ANKRD44: variants seen among roughly 807,000 people sequenced by gnomAD.
ANKRD44 encodes the protein serine/threonine-protein phosphatase 6 regulatory ankyrin repeat subunit B.
Under a neutral mutation model 116.0 loss-of-function variants are expected in ANKRD44, and 35 were observed. That is an observed-to-expected ratio of 0.30 (90% CI 0.23 to 0.40). ANKRD44 has a LOEUF of 0.40. ANKRD44 is among the 10% of genes least tolerant of loss of function. ANKRD44 has a pLI of 1.00. For synonymous variants in ANKRD44, 435 were observed against 461.8 expected (o/e 0.94, Z 0.74); for missense variants, 1,014 against 1,242.6 (o/e 0.82, Z 2.77).
chr2:197,292,066 G>A (rs2083585938), intron 1 of ANKRD44, among the ~76,000 whole-genome samples: 1 of 152,162 alleles, frequency 6.6e-6, no homozygotes, highest in Admixed American at 6.5e-5. Flanking sequence ...TCTTAATCCA[G>A]TCTATCAGTG....
intron 15 of ANKRD44, 104 bp from the exon 16 acceptor site, chr2:197,078,918 G>T (rs2077732240): frequency 2.4e-6 from 3 of 1,225,974 alleles, no homozygotes; most frequent in Non-Finnish European, 3.3e-6. Context: ...AGTACTTTAT[G>T]AGTTTGTTTC....
intron 21 of ANKRD44, among the ~76,000 whole-genome samples, chr2:196,979,948 A>G (rs1324755437): frequency 1.3e-5 from 2 of 152,144 alleles, no homozygotes; most frequent in Non-Finnish European, 2.9e-5. Context: ...CCTGCTCCAC[A>G]CCATCCAGGA....
At chr2:196,994,686 G>A (rs1005017062) in intron 26 of ANKRD44, 2 of 150,338 alleles carry the variant, frequency 1.3e-5, no homozygotes, top group African/African-American at 4.9e-5. Context: ...AGCTAATTTT[G>A]TTGTTGTTGT....
chr2:197,249,863 G>A (rs2082277936), intron 1 of ANKRD44, among the ~76,000 whole-genome samples: 1 of 152,184 alleles, frequency 6.6e-6, no homozygotes, highest in Non-Finnish European at 1.5e-5. Flanking sequence ...TTAAAAGCAT[G>A]TAATGAAAAT....
chr2:197,077,868 C>T (rs2077704125), intron 16 of ANKRD44: 1 of 152,096 alleles, frequency 6.6e-6, no homozygotes, highest in Non-Finnish European at 1.5e-5. Flanking sequence ...TTACACAGGG[C>T]AAATGTTGAT....
intron 1 of ANKRD44, among the ~76,000 whole-genome samples, chr2:197,208,228 A>C (rs1265755575): frequency 6.6e-6 from 1 of 152,174 alleles, no homozygotes; most frequent in Non-Finnish European, 1.5e-5. Context: ...GCTTGATACC[A>C]GGTGACAACC....
chr2:197,164,598 C>CCTG (rs750590816), intron 2 of ANKRD44, among the ~76,000 whole-genome samples: 30 of 152,298 alleles, frequency 2.0e-4, no homozygotes, highest in Middle Eastern at 6.8e-3. Flanking sequence ...AGCCCCCTCC[C>CCTG]CTGCTGCTGC....
At chr2:197,047,521 G>C (rs946234099) in intron 16 of ANKRD44, among the ~76,000 whole-genome samples, 6 of 152,246 alleles carry the variant, frequency 3.9e-5, no homozygotes, top group African/African-American at 1.4e-4. Context: ...TGAAGGACTA[G>C]TGCCACAATG....
intron 1 of ANKRD44, chr2:197,198,921 A>G: frequency 6.6e-6 from 1 of 152,438 alleles, no homozygotes; most frequent in Non-Finnish European, 1.5e-5. Context: ...TCCACAGGAC[A>G]CAGGGCTCGG....
chr2:197,051,125 G>A (rs2077099117), intron 16 of ANKRD44, among the ~76,000 whole-genome samples: 1 of 151,424 alleles, frequency 6.6e-6, no homozygotes, highest in South Asian at 2.1e-4. Context: ...ACCATGTCCA[G>A]CTAATTTTTG....
chr2:197,133,522 T>C (rs2079139528), intron 4 of ANKRD44, among the ~76,000 whole-genome samples: 2 of 152,226 alleles, frequency 1.3e-5, no homozygotes, highest in South Asian at 4.1e-4. Context: ...ATTATCTACA[T>C]TTTATAAGCA....
intron 17 of ANKRD44, among the ~76,000 whole-genome samples, chr2:197,014,770 C>T (rs952066203): frequency 2.0e-5 from 3 of 149,600 alleles, no homozygotes; most frequent in African/African-American, 5.0e-5. Flanking sequence ...AGTGACAGAG[C>T]AAGACTCTGT....
chr2:197,156,780 T>C (rs377657918), intron 2 of ANKRD44, among the ~76,000 whole-genome samples: 20 of 152,290 alleles, frequency 1.3e-4, no homozygotes, highest in African/African-American at 4.6e-4. Context: ...GAATGAACTA[T>C]GGATATATGT....
At position 196,988,249 on chromosome 2, in the gene ANKRD44, A is replaced by G. The variant is rs895078905; in HGVS notation, c.*1342T>C. On this transcript the variant is annotated 3_prime_UTR_variant, in exon 28 of 28. Coordinates refer to ENST00000282272, the MANE Select transcript of ANKRD44 (RefSeq NM_001195144.2). ...TGCCAACTGAGCAAGATTTCCATTC[A>G]CTTCTAGAAAAAGACACCGCAGCAT... The G allele has an allele frequency of 1.7e-5, 17 of 985,334 alleles. No individual in the cohort carries two copies. Among genetic ancestry groups the G allele is most frequent in the Non-Finnish European group, 1.8e-5 (15 of 829,936 alleles). The allele number at this position is 985,334 out of a possible 1,614,324, so 61.0% of individuals were successfully genotyped here.
At chr2:197,308,228 G>A (rs567758619) in intron 1 of ANKRD44, among the ~76,000 whole-genome samples, 10 of 151,936 alleles carry the variant, frequency 6.6e-5, no homozygotes, top group Admixed American at 5.9e-4. Context: ...GAAGCTGAAT[G>A]GAGAGCAAGG....
chr2:197,152,587 G>A (rs1451026830), intron 2 of ANKRD44, among the ~76,000 whole-genome samples: 3 of 152,200 alleles, frequency 2.0e-5, no homozygotes, highest in Non-Finnish European at 4.4e-5. Flanking sequence ...TCAGGCAGAG[G>A]AAGTTGAGCT....
intron 13 of ANKRD44, among the ~76,000 whole-genome samples, chr2:197,086,328 T>C (rs1041734311): frequency 6.6e-6 from 1 of 152,166 alleles, no homozygotes; most frequent in African/African-American, 2.4e-5. Flanking sequence ...AAATGTTCAA[T>C]ACATATAATA....
intron 16 of ANKRD44, among the ~76,000 whole-genome samples, chr2:197,063,203 G>A (rs542957975): frequency 1.3e-5 from 2 of 152,292 alleles, no homozygotes; most frequent in South Asian, 4.1e-4. Context: ...GGGCTGGAGT[G>A]GACCTCCAGC....
In ANKRD44 at chr2:197,144,253, C is replaced by T. The variant is rs375506613; in HGVS notation, c.190+2774G>A. Among the ~76,000 whole-genome samples, 12 of 152,316 alleles carry T rather than the reference C, an allele frequency of 7.9e-5. No individual in the cohort carries two copies. The South Asian group carries it at 2.3e-3, about 29-fold the overall frequency. Reference sequence around the variant, plus strand: ...AGGAATTTAGCAAGCTTGGGTTACACCATGCTCTGTAGGTTAATACAACAA... The same window carrying T: ...AGGAATTTAGCAAGCTTGGGTTACATCATGCTCTGTAGGTTAATACAACAA... On this transcript the variant is annotated intron_variant, in intron 3 of 27. Coordinates refer to ENST00000282272, the MANE Select transcript of ANKRD44 (RefSeq NM_001195144.2).
Sources: gnomAD v4.1 joint callset for allele counts (sites outside exome capture counted in the v4.1 genomes callset) on GRCh38, gnomAD v4.1.1 for gene constraint, MANE v1.5 for transcripts, NCBI Gene and HGNC (gene_info 2026-07-23, HGNC 2026-07-21) for gene names.